ST7: variants seen among roughly 807,000 people sequenced by gnomAD.
The protein encoded by ST7 is suppressor of tumorigenicity 7 protein.
In ST7, 28 loss-of-function variants were observed where a neutral mutation model predicts 78.7. That is an observed-to-expected ratio of 0.36 (90% CI 0.26 to 0.49). The LOEUF is 0.49. Among genes scored for constraint, ST7 ranks in the 20% least tolerant of loss-of-function variants. ST7 has a pLI of 0.99. For missense variants in ST7, 418 were observed against 696.0 expected (o/e 0.60, Z 4.49); for synonymous variants, 247 against 249.6 (o/e 0.99, Z 0.10).
At chr7:116,967,353 C>G (rs1793175180) in intron 1 of ST7, 1 of 471,128 alleles carries the variant, frequency 2.1e-6, no homozygotes, top group South Asian at 1.5e-5. Flanking sequence ...GCGCTACTCT[C>G]ACTTCTGGCT....
chr7:117,119,794 G>T, intron 3 of ST7, 74 bp downstream of exon 3: 1 of 1,505,038 alleles, frequency 6.6e-7, no homozygotes. Flanking sequence ...CATACTAAGA[G>T]ATTAAGAATG....
At chr7:116,988,092 G>T (rs1187158475) in intron 1 of ST7, among the ~76,000 whole-genome samples, 1 of 152,140 alleles carries the variant, frequency 6.6e-6, no homozygotes. Flanking sequence ...TTTCTCCTTT[G>T]CTAGTTCAGG....
At chr7:116,970,782 C>G (rs1057484024) in intron 1 of ST7, among the ~76,000 whole-genome samples, 4 of 152,096 alleles carry the variant, frequency 2.6e-5, no homozygotes, top group Non-Finnish European at 4.4e-5. Flanking sequence ...CTGGTCATTA[C>G]CTGTTTGTAT....
chr7:117,194,657 A>G (rs1031002272), intron 12 of ST7, among the ~76,000 whole-genome samples: 1 of 152,248 alleles, frequency 6.6e-6, no homozygotes, highest in Non-Finnish European at 1.5e-5. Context: ...AGAAAATTCC[A>G]TTCATGTAAT....
chr7:117,189,697 C>G (rs564151053), intron 11 of ST7, among the ~76,000 whole-genome samples: 1 of 152,144 alleles, frequency 6.6e-6, no homozygotes, highest in Non-Finnish European at 1.5e-5. Flanking sequence ...ACACAGAATA[C>G]CATCCTTCTA....
chr7:116,999,813 T>TC (rs1309899691), intron 1 of ST7, among the ~76,000 whole-genome samples: 322 of 140,776 alleles, frequency 2.3e-3, no homozygotes, highest in African/African-American at 7.6e-3. Context: ...TCTTTCTTTT[T>TC]TTTTTTTTTT....
At chr7:117,176,353 G>A (rs1439991620) in intron 10 of ST7, among the ~76,000 whole-genome samples, 1 of 152,116 alleles carries the variant, frequency 6.6e-6, no homozygotes, top group African/African-American at 2.4e-5. Context: ...TCTGCCATCT[G>A]GTAATTTGCA....
rs923347619 is a variant in ST7 at position 116,989,333 on chromosome 7, T to C, written c.151+35642T>C. Among the ~76,000 whole-genome samples, 9 of 152,298 alleles carry C rather than the reference T, an allele frequency of 5.9e-5. No individual in the cohort carries two copies. The South Asian group carries it at 1.2e-3, about 21-fold the overall frequency. ...GCAGCTCTGGGTCCCTTCACAGCTG[T>C]GGAGCTCACCTTTTTCACTAGGCTG... On this transcript the variant is annotated intron_variant, in intron 1 of 15. Transcript: ENST00000323984.
chr7:117,112,674 C>T (rs956601262), intron 2 of ST7: 4 of 152,116 alleles, frequency 2.6e-5, no homozygotes, highest in South Asian at 2.1e-4. Context: ...GATTCTGGAA[C>T]GAAGAGTGGA....
chr7:117,091,236 C>G (rs1247237037), intron 1 of ST7, among the ~76,000 whole-genome samples: 1 of 152,178 alleles, frequency 6.6e-6, no homozygotes, highest in South Asian at 2.1e-4. Flanking sequence ...AAGACCTTAT[C>G]AGACCCCAAG....
At chr7:117,063,055 T>C (rs73210193) in intron 1 of ST7, among the ~76,000 whole-genome samples, 1,528 of 152,336 alleles carry the variant, frequency 0.01, 12 homozygotes, top group Middle Eastern at 0.027. Flanking sequence ...TTTTAAAGAA[T>C]TGATTTTTTT....
intron 2 of ST7, among the ~76,000 whole-genome samples, chr7:117,102,439 G>C (rs955136923): frequency 2.0e-5 from 3 of 152,154 alleles, no homozygotes; most frequent in African/African-American, 7.2e-5. Context: ...CAATCTAGGG[G>C]ATTGAGGGCA....
chr7:117,051,414 C>T (rs998458091), intron 1 of ST7, among the ~76,000 whole-genome samples: 1 of 152,158 alleles, frequency 6.6e-6, no homozygotes, highest in African/African-American at 2.4e-5. Flanking sequence ...CAGAGAGGGG[C>T]TCAGCATGTG....
At chr7:117,049,126 G>T (rs1425921741) in intron 1 of ST7, among the ~76,000 whole-genome samples, 2 of 152,096 alleles carry the variant, frequency 1.3e-5, no homozygotes, top group South Asian at 2.1e-4. Context: ...TCAGGGCTTG[G>T]GCATCAGCAG....
At chr7:117,192,538 G>A (rs1018226023) in intron 12 of ST7, among the ~76,000 whole-genome samples, 2 of 152,118 alleles carry the variant, frequency 1.3e-5, no homozygotes, top group African/African-American at 4.8e-5. Flanking sequence ...CCATTTATTT[G>A]TAAATTATTA....
Position 117,063,863 on chromosome 7 carries a change from G to A in ST7, c.152-35899G>A, listed in dbSNP as rs138767592. Among the ~76,000 whole-genome samples, 421 of 152,228 alleles carry A rather than the reference G, an allele frequency of 2.8e-3. 3 individuals are homozygous for A. Among genetic ancestry groups the A allele is most frequent in the African/African-American group, 9.4e-3 (391 of 41,518 alleles). On this transcript the variant is annotated intron_variant, in intron 1 of 15. Coordinates refer to ENST00000323984, the MANE Select transcript of ST7 (RefSeq NM_001369598.1). ...ACCTTTGGTACTACATCTTGGGGAC[G>A]AAATTTAATACCAGTATGTGCCATT...
chr7:117,165,421 G>A lies in ST7; in HGVS notation c.964-5441G>A, dbSNP rs1807471939. Among the ~76,000 whole-genome samples, 3 of 152,198 alleles carry A rather than the reference G, an allele frequency of 2.0e-5. No homozygotes were observed. In the Middle Eastern group the frequency reaches 0.01, roughly 518 times the overall value. ...CAGGTTCTACCTATACCTTGTCCAA[G>A]GTGTAGATAATGGAAGATTATAAAT... On this transcript the variant is annotated intron_variant, in intron 9 of 15. Coordinates refer to ENST00000323984, the MANE Select transcript of ST7 (RefSeq NM_001369598.1).
chr7:117,014,979 A>G (rs1795540645), intron 1 of ST7: 14 of 1,371,244 alleles, frequency 1.0e-5, no homozygotes, highest in South Asian at 2.0e-5. Context: ...GAAAATACTC[A>G]GTTTCCTGCT....
At chr7:117,117,516 C>T (rs1802983186) in intron 2 of ST7, among the ~76,000 whole-genome samples, 1 of 152,146 alleles carries the variant, frequency 6.6e-6, no homozygotes, top group Admixed American at 6.5e-5. Flanking sequence ...GTCTTCTCTT[C>T]TAATAAATGC....
Sources: allele counts gnomAD v4.1 joint callset (sites outside exome capture counted in the v4.1 genomes callset), GRCh38; gene constraint gnomAD v4.1.1; transcripts MANE v1.5; gene names NCBI Gene and HGNC (gene_info 2026-07-23, HGNC 2026-07-21).